PRDM5: variants seen among roughly 807,000 people sequenced by gnomAD.
PRDM5 encodes PR/SET domain 5, also known as PR domain zinc finger protein 5.
A neutral mutation model predicts 81.2 loss-of-function variants in PRDM5; 56 were observed. The ratio of observed to expected loss-of-function variants is 0.69; its 90% confidence interval spans 0.56 to 0.86. The LOEUF (loss-of-function observed/expected upper bound fraction) is 0.86. PRDM5 is among the 40% of genes least tolerant of loss of function. The pLI is 0.00. For missense variants in PRDM5, 697 were observed against 770.1 expected, an observed-to-expected ratio of 0.91 and a Z score of 1.12; for synonymous variants, 267 against 256.4, an observed-to-expected ratio of 1.04 and a Z score of -0.39.
intron 10 of PRDM5, among the ~76,000 whole-genome samples, chr4:120,789,466 T>C (rs1364140877): frequency 6.6e-6 from 1 of 152,188 alleles, no homozygotes; most frequent in Non-Finnish European, 1.5e-5. Context: ...TATTTCTTCT[T>C]TGGGGTATGT....
At chr4:120,909,204 T>G (rs1272886731) in intron 1 of PRDM5, among the ~76,000 whole-genome samples, 1 of 151,990 alleles carries the variant, frequency 6.6e-6, no homozygotes, top group African/African-American at 2.4e-5. Context: ...CTGAGTGGAG[T>G]GCTCAGGCAA....
intron 2 of PRDM5, among the ~76,000 whole-genome samples, chr4:120,906,985 TCAACAGTC>T (rs1483730830): frequency 6.9e-6 from 1 of 144,082 alleles, no homozygotes; most frequent in African/African-American, 2.6e-5. Flanking sequence ...GTAAGATATC[TCAACAGTC>T]CACTTTCTCT....
At position 120,699,201 on chromosome 4, in the gene PRDM5, TA is replaced by T. The variant is rs1560890279; in HGVS notation, c.1729-3927del. Among the ~76,000 whole-genome samples the T allele has an allele frequency of 5.5e-3, 442 of 79,874 alleles. 3 individuals carry two copies. Among genetic ancestry groups the T allele is most frequent in the Non-Finnish European group, 0.01 (333 of 32,584 alleles). 52.4% of individuals were successfully genotyped at this position (79,874 alleles called of 152,430 possible). On this transcript the variant is annotated intron_variant, in intron 15 of 15. Coordinates refer to ENST00000264808, the MANE Select transcript of PRDM5 (RefSeq NM_018699.4). ...ATATATATATATATATATATATATA[TA>T]TATTTCAGATGTCTCCTTAATAATT...
intron 2 of PRDM5, among the ~76,000 whole-genome samples, chr4:120,861,156 T>C (rs947242811): frequency 6.6e-6 from 1 of 152,114 alleles, no homozygotes; most frequent in African/African-American, 2.4e-5. Flanking sequence ...TACAGATGTG[T>C]ACCACTTCAC....
chr4:120,866,887 T>C (rs1761245401), intron 2 of PRDM5, among the ~76,000 whole-genome samples: 1 of 152,208 alleles, frequency 6.6e-6, no homozygotes, highest in East Asian at 1.9e-4. Context: ...TTGGGGAGCC[T>C]AACCTAATCA....
intron 14 of PRDM5, among the ~76,000 whole-genome samples, chr4:120,717,368 T>G (rs1475467467): frequency 6.6e-6 from 1 of 152,204 alleles, no homozygotes; most frequent in Non-Finnish European, 1.5e-5. Flanking sequence ...TTGGCAGATT[T>G]CATTCAAAAG....
intron 14 of PRDM5, among the ~76,000 whole-genome samples, chr4:120,736,199 T>TTGTGTG (rs57073985): frequency 1.0e-3 from 145 of 145,244 alleles, no homozygotes; most frequent in East Asian, 4.5e-3. Context: ...TACTATCCTT[T>TTGTGTG]TGTGTGTGTG....
intron 2 of PRDM5, among the ~76,000 whole-genome samples, chr4:120,893,500 A>G (rs1222689472): frequency 6.6e-6 from 1 of 152,168 alleles, no homozygotes; most frequent in Non-Finnish European, 1.5e-5. Flanking sequence ...CTTGCACTCT[A>G]TGACTCAGCA....
intron 14 of PRDM5, among the ~76,000 whole-genome samples, chr4:120,743,872 G>C (rs1742529009): frequency 3.3e-5 from 5 of 150,108 alleles, no homozygotes; most frequent in Admixed American, 3.3e-4. Flanking sequence ...ACAGATCAAC[G>C]AGACAGAAAG....
chr4:120,821,336 T>C lies in PRDM5; in HGVS notation c.310A>G (p.Asn104Asp), dbSNP rs887320638. The C allele has an allele frequency of 1.2e-6, 2 of 1,613,932 alleles. No individual in the cohort carries two copies. The highest frequency in any genetic ancestry group is 1.7e-6 in the Non-Finnish European group (2 of 1,179,948). ...TCTTCAACTGCCAAATAGAAAATGT[T>C]TTCTCCTTCCTGAAACAAATTTTTT... ...KNLAAIQEGE[N>D]IFYLAVEDIE... Residue 104 changes from asparagine (N) to aspartate (D), a missense_variant, in exon 4 of 16, where the codon AAC becomes GAC. Physicochemically the swap from Asn to Asp is conservative, Grantham distance 23. This residue lies in a region of PRDM5 where 577 missense variants were observed against 606.7 expected (regional missense o/e 0.95). Transcript: ENST00000264808.
At chr4:120,915,254 G>A (rs923472607) in intron 1 of PRDM5, among the ~76,000 whole-genome samples, 1 of 151,884 alleles carries the variant, frequency 6.6e-6, no homozygotes, top group South Asian at 2.1e-4. Context: ...TTCTTAAGGA[G>A]AGCACTAGCT....
intron 9 of PRDM5, among the ~76,000 whole-genome samples, chr4:120,798,773 G>T (rs1221371460): frequency 6.6e-6 from 1 of 152,200 alleles, no homozygotes; most frequent in African/African-American, 2.4e-5. Context: ...GACAGAGATG[G>T]AGACAAAGAA....
chr4:120,895,734 T>C (rs1483053020), intron 2 of PRDM5: 5 of 152,336 alleles, frequency 3.3e-5, no homozygotes, highest in African/African-American at 7.2e-5. Flanking sequence ...TAGCCCAGGC[T>C]GGCACCATCA....
intron 1 of PRDM5, among the ~76,000 whole-genome samples, chr4:120,921,214 A>G (rs1166482517): frequency 6.6e-6 from 1 of 152,212 alleles, no homozygotes; most frequent in Admixed American, 6.5e-5. Flanking sequence ...TTAAAAGGAG[A>G]ATTTCAACTC....
chr4:120,707,809 T>G (rs1736420721), intron 15 of PRDM5, among the ~76,000 whole-genome samples: 1 of 152,056 alleles, frequency 6.6e-6, no homozygotes, highest in Non-Finnish European at 1.5e-5. Context: ...ATCCAATATT[T>G]AAAACCTCTT....
chr4:120,897,366 T>C (rs1048286031), intron 2 of PRDM5, among the ~76,000 whole-genome samples: 4 of 152,192 alleles, frequency 2.6e-5, no homozygotes, highest in African/African-American at 9.6e-5. Context: ...TCTTTTTTAA[T>C]GTCTCCTTTT....
intron 15 of PRDM5, among the ~76,000 whole-genome samples, chr4:120,699,155 AATATAAATATATATATATATAT>A (rs1240761434): frequency 3.1e-4 from 28 of 89,574 alleles, no homozygotes; most frequent in South Asian, 8.1e-4. Flanking sequence ...AATTATAGGA[AATATAAATATATATATATATAT>A]ATATATATAT....
intron 3 of PRDM5, among the ~76,000 whole-genome samples, chr4:120,842,071 T>TC (rs1561458025): frequency 6.6e-6 from 1 of 152,184 alleles, no homozygotes; most frequent in East Asian, 1.9e-4. Context: ...TCTGAGTGAG[T>TC]CCAGACTGAA....
At chr4:120,827,096 G>T (rs1373646933) in intron 3 of PRDM5, among the ~76,000 whole-genome samples, 1 of 152,132 alleles carries the variant, frequency 6.6e-6, no homozygotes, top group African/African-American at 2.4e-5. Flanking sequence ...AATTATTTTA[G>T]ATGACAAATC....
Sources: gnomAD v4.1 joint callset for allele counts (sites outside exome capture counted in the v4.1 genomes callset) on GRCh38, gnomAD v4.1.1 for gene constraint, gnomAD v4.1.1 regional missense constraint, MANE v1.5 for transcripts, NCBI Gene and HGNC (gene_info 2026-07-23, HGNC 2026-07-21) for gene names.